MMEL1: variants seen among roughly 807,000 people sequenced by gnomAD.
The protein encoded by MMEL1 is membrane metalloendopeptidase like 1.
Under a neutral mutation model 117.1 loss-of-function variants are expected in MMEL1, and 98 were observed. The observed-to-expected ratio is 0.84, with a 90% confidence interval of 0.71 to 0.99. The LOEUF is 0.99. Among genes scored for constraint, MMEL1 ranks in the 50% least tolerant of loss-of-function variants. The pLI, the probability that MMEL1 is intolerant of heterozygous loss-of-function variation, is 0.00. For synonymous variants in MMEL1, 390 were observed against 415.1 expected (o/e 0.94, Z 0.74); for missense variants, 1,014 against 1,049.1 (o/e 0.97, Z 0.46).
rs777755893 is a variant in MMEL1 at position 2,609,464 on chromosome 1, A to T, written c.455-45T>A. ...TTGGACAGAGGCCTGACGAGGCTGC[A>T]GGGGCCAGGTCACAGGTCCCTACAC... On this transcript the variant is annotated intron_variant, in intron 5 of 23. Coordinates refer to ENST00000378412, the MANE Select transcript of MMEL1 (RefSeq NM_033467.4). 4 of 1,583,530 alleles carry T rather than the reference A, an allele frequency of 2.5e-6. No homozygotes were observed. The Admixed American group carries it at 7.2e-5, about 28-fold the overall frequency.
rs550319827 is a variant in MMEL1, at chr1:2,611,201, T to G, written c.292+80A>C. ...TGTCTTGGAGTTGCTTCCCTGGGCC[T>G]TGGGCGGGGCCTACGTCAGTGTCAG... On this transcript the variant is annotated intron_variant, in intron 4 of 23. Transcript: ENST00000378412. 2.9e-5 allele frequency: 41 copies of G among 1,419,294 alleles called. No homozygotes were observed. The African/African-American group carries it at 5.6e-4, about 20-fold the overall frequency. The allele number at this position is 1,419,294 out of a possible 1,614,324, so 87.9% of individuals were successfully genotyped here. A position where few individuals can be genotyped will look rare whatever the true frequency, so the allele number is the denominator to read the frequency against.
chr1:2,621,712 C>T (rs552386019), intron 2 of MMEL1, among the ~76,000 whole-genome samples: 24 of 152,202 alleles, frequency 1.6e-4, no homozygotes, highest in East Asian at 7.7e-4. Flanking sequence ...TACAGGCATC[C>T]GCCATCACGC....
chr1:2,603,829 T>A (rs1402269191), intron 11 of MMEL1, 55 bp downstream of exon 11: 1 of 1,525,996 alleles, frequency 6.6e-7, no homozygotes, highest in Non-Finnish European at 9.0e-7. Flanking sequence ...CGCTTCCATG[T>A]CCCCCACGAG....
chr1:2,601,990 G>T (rs1644939904), intron 11 of MMEL1, among the ~76,000 whole-genome samples: 1 of 152,206 alleles, frequency 6.6e-6, no homozygotes, highest in South Asian at 2.1e-4. Flanking sequence ...GAACAGATGC[G>T]TGTGCTTCCA....
At chr1:2,596,463 G>T (rs1644841299) in intron 14 of MMEL1, 98 bp downstream of exon 14, 22 of 1,226,870 alleles carry the variant, frequency 1.8e-5, no homozygotes, top group Non-Finnish European at 2.3e-5. Flanking sequence ...TGGGGCAGGT[G>T]CCCCTGAGCC....
At chr1:2,618,298 C>G (rs1645235729) in intron 2 of MMEL1, among the ~76,000 whole-genome samples, 3 of 152,262 alleles carry the variant, frequency 2.0e-5, no homozygotes, top group South Asian at 4.1e-4. Flanking sequence ...CCTGCATGCA[C>G]AGGCTCCCCT....
At chr1:2,611,515 C>A in intron 3 of MMEL1, 175 bp from the exon 4 acceptor site, 2 of 507,898 alleles carry the variant, frequency 3.9e-6, no homozygotes, top group South Asian at 2.7e-5. Flanking sequence ...AGGGCAAGGC[C>A]AGGGTAACCA....
rs1644721586 is a variant in MMEL1 at position 2,591,874 on chromosome 1, C to T, written c.2163+58G>A. On this transcript the variant is annotated intron_variant, in intron 22 of 23. Transcript: ENST00000378412. ...GTCCCTGGAGGTGCCCCAGAGTGGG[C>T]CCTCCAGAGATGAGTGGGGAAGCAT... is the stretch of plus-strand genomic sequence containing the variant. 10 of 1,521,548 alleles carry T rather than the reference C, an allele frequency of 6.6e-6. No homozygotes were observed. In the Admixed American group the frequency reaches 8.4e-5, roughly 13 times the overall value. 94.3% of individuals were successfully genotyped at this position (1,521,548 alleles called of 1,614,324 possible).
At chr1:2,598,362 T>C (rs1031137955) in intron 12 of MMEL1, 62 bp from the exon 13 acceptor site, 9 of 1,536,368 alleles carry the variant, frequency 5.9e-6, no homozygotes, top group Non-Finnish European at 8.1e-6. Flanking sequence ...AGGGAGGAGA[T>C]ATGGCTTAGG....
Position 2,598,686 on chromosome 1 carries a change from G to A in MMEL1, c.1146C>T (p.Asn382=), listed in dbSNP as rs779691247. Residue 382 remains asparagine, a synonymous_variant, in exon 12 of 24, where the codon AAC becomes AAT. Coordinates refer to ENST00000378412, the MANE Select transcript of MMEL1 (RefSeq NM_033467.4). ...AGTAGGTGTCGATGATGTTTTCAAG[G>A]TTCTGCAGGTAGGGGATGCCATAGA... ...VVVYGIPYLQ[N]LENIIDTYSA... The A allele has an allele frequency of 6.2e-7, 1 of 1,614,106 alleles. No individual in the cohort carries two copies. Among genetic ancestry groups the A allele is most frequent in the South Asian group, 1.1e-5 (1 of 91,088 alleles).
At chr1:2,610,594 G>A (rs1324422955) in intron 4 of MMEL1, among the ~76,000 whole-genome samples, 1 of 152,176 alleles carries the variant, frequency 6.6e-6, no homozygotes, top group Non-Finnish European at 1.5e-5. Flanking sequence ...AGGGAGGGAC[G>A]ACTCTTACCA....
intron 6 of MMEL1, among the ~76,000 whole-genome samples, chr1:2,607,785 G>C (rs1380164504): frequency 6.6e-6 from 1 of 152,006 alleles, no homozygotes; most frequent in African/African-American, 2.4e-5. Flanking sequence ...AGGCTGTGGC[G>C]GGCTCACTAG....
intron 11 of MMEL1, among the ~76,000 whole-genome samples, chr1:2,603,244 C>T (rs1286488178): frequency 6.6e-6 from 1 of 152,194 alleles, no homozygotes; most frequent in Non-Finnish European, 1.5e-5. Flanking sequence ...TGCCCTTGCC[C>T]TCCCCCCACT....
chr1:2,625,195 A>G (rs1638222790), intron 2 of MMEL1, among the ~76,000 whole-genome samples: 1 of 152,124 alleles, frequency 6.6e-6, no homozygotes, highest in Non-Finnish European at 1.5e-5. Context: ...TGCCTTCCCA[A>G]CAGTCCCCCA....
At chr1:2,606,946 G>C in intron 7 of MMEL1, 28 bp downstream of exon 7, 1 of 1,597,162 alleles carries the variant, frequency 6.3e-7, no homozygotes, top group Non-Finnish European at 8.6e-7. Context: ...TTGTCTGTCT[G>C]TGAGGCTGCT....
intron 13 of MMEL1, among the ~76,000 whole-genome samples, chr1:2,597,772 G>C (rs889128337): frequency 2.0e-5 from 3 of 152,170 alleles, no homozygotes; most frequent in African/African-American, 7.2e-5. Context: ...AATCCAAACC[G>C]GCTGCTGTGG....
chr1:2,623,127 C>T (rs1645315596), intron 2 of MMEL1, among the ~76,000 whole-genome samples: 2 of 151,646 alleles, frequency 1.3e-5, no homozygotes, highest in South Asian at 2.1e-4. Flanking sequence ...CGAGATCACG[C>T]CACTGCACTC....
At chr1:2,625,120 A>C (rs1638217995) in intron 2 of MMEL1, among the ~76,000 whole-genome samples, 1 of 152,150 alleles carries the variant, frequency 6.6e-6, no homozygotes. Context: ...GCAGAGCCAA[A>C]CTATATCATT....
chr1:2,597,234 T>C (rs1335514038), intron 13 of MMEL1, among the ~76,000 whole-genome samples: 1 of 152,042 alleles, frequency 6.6e-6, no homozygotes, highest in Non-Finnish European at 1.5e-5. Flanking sequence ...CTGCAGGACT[T>C]CCTGCCCTTT....
Sources: allele counts gnomAD v4.1 joint callset (sites outside exome capture counted in the v4.1 genomes callset), GRCh38; gene constraint gnomAD v4.1.1; transcripts MANE v1.5; gene names NCBI Gene and HGNC (gene_info 2026-07-23, HGNC 2026-07-21).